Variants in C11orf65 observed in about 807,000 individuals in gnomAD.
C11orf65 encodes chromosome 11 open reading frame 65, also known as protein MFI.
Under a neutral mutation model 35.3 loss-of-function variants are expected in C11orf65, and 38 were observed. The observed-to-expected ratio is 1.08, with a 90% CI of 0.83 to 1.41. The LOEUF (loss-of-function observed/expected upper bound fraction) is 1.41, where lower values mean the gene tolerates loss of function less well. Ranked by LOEUF, C11orf65 falls within the 40% of genes most tolerant of loss-of-function variation. The pLI is 0.00. For missense variants in C11orf65, 370 were observed against 367.1 expected, an observed-to-expected ratio of 1.01 and a Z score of -0.06; for synonymous variants, 105 against 114.4, an observed-to-expected ratio of 0.92 and a Z score of 0.53.
intron 2 of C11orf65, among the ~76,000 whole-genome samples, chr11:108,374,176 A>G (rs1284935990): frequency 7.0e-6 from 1 of 142,186 alleles, no homozygotes; most frequent in African/African-American, 2.5e-5. Context: ...GAATGGGCAG[A>G]CTGCCTCCTC....
chr11:108,324,284 A>G (rs1202441297), intron 6 of C11orf65, among the ~76,000 whole-genome samples: 1 of 152,182 alleles, frequency 6.6e-6, no homozygotes, highest in Non-Finnish European at 1.5e-5. Flanking sequence ...GACTTTGAAC[A>G]TCAGCATTAT....
At chr11:108,375,763 T>C (rs1330710435) in intron 2 of C11orf65, among the ~76,000 whole-genome samples, 1 of 151,768 alleles carries the variant, frequency 6.6e-6, no homozygotes, top group Non-Finnish European at 1.5e-5. Flanking sequence ...GAGACACACA[T>C]AGGCTCAAAA....
chr11:108,353,170 TG>T (rs2089419029), intron 2 of C11orf65, among the ~76,000 whole-genome samples: 1 of 152,076 alleles, frequency 6.6e-6, no homozygotes, highest in Non-Finnish European at 1.5e-5. Flanking sequence ...TTTTTTTTGA[TG>T]GAGTTTCACT....
chr11:108,348,254 G>C (rs925819306), intron 2 of C11orf65, among the ~76,000 whole-genome samples: 1 of 148,222 alleles, frequency 6.7e-6, no homozygotes, highest in Non-Finnish European at 1.5e-5. Context: ...ATAAAAGAAA[G>C]AGAATATATA....
At chr11:108,315,210 A>G (rs565716619) in intron 6 of C11orf65, among the ~76,000 whole-genome samples, 1 of 152,350 alleles carries the variant, frequency 6.6e-6, no homozygotes, top group African/African-American at 2.4e-5. Context: ...TCACAACACA[A>G]TAATGCTTAC....
At chr11:108,446,530 C>A (rs1401959498) in intron 2 of C11orf65, among the ~76,000 whole-genome samples, 1 of 151,622 alleles carries the variant, frequency 6.6e-6, no homozygotes, top group Non-Finnish European at 1.5e-5. Context: ...TCCAGCCAAA[C>A]TAAGCTTCAT....
chr11:108,432,623 C>T (rs1300539082), intron 2 of C11orf65, among the ~76,000 whole-genome samples: 1 of 152,190 alleles, frequency 6.6e-6, no homozygotes, highest in African/African-American at 2.4e-5. Context: ...AAACACCCCA[C>T]TCCCCATTTG....
chr11:108,427,339 CAA>C (rs571933041), intron 3 of C11orf65, among the ~76,000 whole-genome samples: 13 of 110,990 alleles, frequency 1.2e-4, no homozygotes, highest in African/African-American at 3.2e-4. Context: ...AACAAATTTA[CAA>C]AAAAAAAAAA....
chr11:108,401,240 T>C (rs746041717), intron 6 of C11orf65, among the ~76,000 whole-genome samples: 6 of 152,014 alleles, frequency 3.9e-5, no homozygotes, highest in Non-Finnish European at 7.4e-5. Context: ...GTTTAGTAGA[T>C]TGCACATAAC....
chr11:108,365,276 G>A lies in C11orf65; in HGVS notation c.226+27932C>T, dbSNP rs368240380. ...GTTTTTCAGATTTTCTTATTCCCAA[G>A]GCCTTTAAACTGTTCACCTCACTGA... On this transcript the variant is annotated intron_variant, in intron 2 of 3. Coordinates refer to the C11orf65 transcript ENST00000524755. 5 of 1,614,006 alleles carry A rather than the reference G, an allele frequency of 3.1e-6. No homozygotes were observed. In the African/African-American group the frequency reaches 6.7e-5, roughly 22 times the overall value.
At position 108,447,073 on chromosome 11, in the gene C11orf65, G is replaced by C. The variant is rs965863913; in HGVS notation, c.81+14406C>G. On this transcript the variant is annotated intron_variant, in intron 2 of 8. Coordinates refer to ENST00000393084, the MANE Select transcript of C11orf65 (RefSeq NM_152587.5). ...AATGATAAAGGGATCAATTCAACAA[G>C]AAGAGCTAACTATCCTAAATATATA... is the stretch of plus-strand genomic sequence containing the variant. Among the ~76,000 whole-genome samples the C allele has an allele frequency of 2.6e-5, 4 of 152,278 alleles. No homozygotes were observed. The East Asian group carries it at 7.7e-4, about 29-fold the overall frequency.
chr11:108,406,742 T>C (rs2092547689), intron 5 of C11orf65, 21 bp downstream of exon 5: 1 of 1,497,512 alleles, frequency 6.7e-7, no homozygotes, highest in Non-Finnish European at 9.1e-7. Context: ...AGGTTAAAAA[T>C]TAACATTTCT....
intron 2 of C11orf65, among the ~76,000 whole-genome samples, chr11:108,372,383 AG>A (rs1269246259): frequency 6.6e-6 from 1 of 152,186 alleles, no homozygotes; most frequent in East Asian, 1.9e-4. Flanking sequence ...TCATAGAGAC[AG>A]GGTTTCACCA....
At position 108,421,000 on chromosome 11, in the gene C11orf65, T is replaced by C. The variant is rs539985288; in HGVS notation, c.174+10746A>G. Among the ~76,000 whole-genome samples the C allele has an allele frequency of 2.5e-3, 381 of 152,324 alleles. 2 individuals are homozygous for C. Among genetic ancestry groups the C allele is most frequent in the African/African-American group, 8.8e-3 (364 of 41,574 alleles). ...TAACCATTAGTGACATTTAGTACTT[T>C]CATATTATACAGCCACTACTTCCAC... On this transcript the variant is annotated intron_variant, in intron 3 of 8. Transcript: ENST00000393084.
At chr11:108,372,850 C>A (rs1343402752) in intron 2 of C11orf65, among the ~76,000 whole-genome samples, 1 of 151,938 alleles carries the variant, frequency 6.6e-6, no homozygotes, top group African/African-American at 2.4e-5. Flanking sequence ...GCCAAGGTGG[C>A]AAATCACTTT....
Position 108,450,169 on chromosome 11 carries a change from T to C in C11orf65, c.81+11310A>G, listed in dbSNP as rs189035859. 8.0e-3 allele frequency among the ~76,000 whole-genome samples: 1,218 copies of C among 151,980 alleles called. 27 individuals are homozygous for C. The highest frequency in any genetic ancestry group is 0.025 in the African/African-American group (1,043 of 41,322). On this transcript the variant is annotated intron_variant, in intron 2 of 8. Coordinates refer to ENST00000393084, the MANE Select transcript of C11orf65 (RefSeq NM_152587.5). ...AGAGGATGTGGAGAAACAGGAACACTTTTACACTGTTGGTGGGACTGTAAA... is the reference window on the plus strand; with the variant it reads ...AGAGGATGTGGAGAAACAGGAACACCTTTACACTGTTGGTGGGACTGTAAA...
intron 2 of C11orf65, among the ~76,000 whole-genome samples, chr11:108,447,858 A>G (rs907773492): frequency 9.2e-5 from 14 of 152,214 alleles, no homozygotes; most frequent in African/African-American, 3.4e-4. Flanking sequence ...TGGTTTTTTG[A>G]AAAGATCAAC....
intron 3 of C11orf65, chr11:108,332,654 T>C (rs1386481699): frequency 2.6e-6 from 3 of 1,165,880 alleles, no homozygotes; most frequent in Non-Finnish European, 3.7e-6. Flanking sequence ...AATCATTCCA[T>C]TGTCTAGATT....
In C11orf65 at chr11:108,321,400, C is replaced by T. The variant is rs565124064; in HGVS notation, c.641-12329G>A. The T allele has an allele frequency of 1.4e-5, 22 of 1,614,126 alleles. No individual in the cohort carries two copies. In the South Asian group the frequency reaches 2.2e-4, roughly 16 times the overall value. ...TGCAGGCCATTGGAGAGCTGGAAAG[C>T]ATTGGGGAGCTTTTCTCAAGGTATG... On this transcript the variant is annotated intron_variant, in intron 6 of 6. Transcript: ENST00000525729.
Sources: gnomAD v4.1 joint callset for allele counts (sites outside exome capture counted in the v4.1 genomes callset) on GRCh38, gnomAD v4.1.1 for gene constraint, MANE v1.5 for transcripts, NCBI Gene and HGNC (gene_info 2026-07-23, HGNC 2026-07-21) for gene names.